Variants in ATP8A1 observed in about 807,000 individuals in gnomAD.
ATP8A1 encodes phospholipid-transporting ATPase IA.
Under a neutral mutation model 177.7 loss-of-function variants are expected in ATP8A1, and 90 were observed. The ratio of observed to expected loss-of-function variants is 0.51; its 90% CI spans 0.43 to 0.60. ATP8A1 has a LOEUF of 0.60. Among genes scored for constraint, ATP8A1 ranks in the 20% least tolerant of loss-of-function variants. The probability of loss-of-function intolerance (pLI) is 0.00; values close to 1 mark genes in which losing one functional copy is unlikely to be tolerated. For synonymous variants in ATP8A1, 493 were observed against 485.9 expected (o/e 1.01, Z -0.19); for missense variants, 1,072 against 1,392.8 (o/e 0.77, Z 3.67).
chr4:42,549,616 C>T (rs1337731900), intron 18 of ATP8A1, among the ~76,000 whole-genome samples: 9 of 151,906 alleles, frequency 5.9e-5, no homozygotes, highest in Admixed American at 5.9e-4. Flanking sequence ...TAGCAAGACC[C>T]CATCTCTATT....
At chr4:42,471,957 AG>A in intron 25 of ATP8A1, 1 of 689,954 alleles carries the variant, frequency 1.4e-6, no homozygotes, top group Non-Finnish European at 2.8e-6. Context: ...CAGCAGCCAA[AG>A]AGCCTAAGTT....
chr4:42,423,822 TAC>T (rs2153168195), intron 33 of ATP8A1, 117 bp from the exon 34 acceptor site: 1 of 589,798 alleles, frequency 1.7e-6, no homozygotes, highest in South Asian at 2.7e-5. Context: ...TAAGAGAGTA[TAC>T]AACTCTGAAT....
At chr4:42,546,833 TCTC>T (rs1728988235) in intron 19 of ATP8A1, among the ~76,000 whole-genome samples, 5 of 152,154 alleles carry the variant, frequency 3.3e-5, no homozygotes. Context: ...TGAATCCTCT[TCTC>T]CTGGCTCTGT....
At chr4:42,631,084 G>A (rs1249688167) in intron 1 of ATP8A1, among the ~76,000 whole-genome samples, 1 of 152,162 alleles carries the variant, frequency 6.6e-6, no homozygotes, top group Non-Finnish European at 1.5e-5. Flanking sequence ...GTCATAGGCT[G>A]AGCCTCATAA....
At chr4:42,561,165 G>A (rs1394067500) in intron 15 of ATP8A1, among the ~76,000 whole-genome samples, 1 of 152,220 alleles carries the variant, frequency 6.6e-6, no homozygotes, top group African/African-American at 2.4e-5. Context: ...ACGAGGACAA[G>A]TGCACTTGCT....
chr4:42,510,766 T>C (rs985824691), intron 22 of ATP8A1, among the ~76,000 whole-genome samples: 2 of 152,172 alleles, frequency 1.3e-5, no homozygotes, highest in Admixed American at 6.6e-5. Context: ...ACCACTCACA[T>C]ACCTATAAAA....
At position 42,408,920 on chromosome 4, in the gene ATP8A1, G is replaced by T. The variant is rs879385418; in HGVS notation, c.*3996C>A. The T allele has an allele frequency of 1.3e-5, 2 of 152,170 alleles. No individual in the cohort carries two copies. The highest frequency in any genetic ancestry group is 1.5e-5 in the Non-Finnish European group (1 of 68,016). The allele number at this position is 152,170 out of a possible 1,614,324, so 9.4% of individuals were successfully genotyped here. ...CTGTTAATTCAAAGTAAGCAAATAT[G>T]AAATCTAGCTTTCCTACTTAAGGGA... On this transcript the variant is annotated 3_prime_UTR_variant, in exon 37 of 37. Transcript: ENST00000381668.
chr4:42,627,841 G>GT (rs1228052072), intron 1 of ATP8A1, among the ~76,000 whole-genome samples: 1 of 152,288 alleles, frequency 6.6e-6, no homozygotes, highest in East Asian at 1.9e-4. Flanking sequence ...CAACAGTACT[G>GT]TATCTCCAAA....
At chr4:42,468,079 A>T (rs1325605204) in intron 25 of ATP8A1, among the ~76,000 whole-genome samples, 1 of 152,216 alleles carries the variant, frequency 6.6e-6, no homozygotes, top group East Asian at 1.9e-4. Context: ...AAAAAAGAAT[A>T]GATGTTGGTG....
chr4:42,644,093 T>C (rs6834500), intron 1 of ATP8A1, among the ~76,000 whole-genome samples: 53,150 of 152,076 alleles, frequency 0.35, 10,183 homozygotes, highest in African/African-American at 0.52. Flanking sequence ...GTTTAAAAGG[T>C]CAATTTTAGC....
rs376004918 is a variant in ATP8A1 at position 42,613,965 on chromosome 4, C to A, written c.409+2068G>T. ...GAAACCTACAGATATGAAGTGTATT[C>A]TGTTGACTGAAATGGCTTTTATAGC... On this transcript the variant is annotated intron_variant, in intron 5 of 36. Coordinates refer to ENST00000381668, the MANE Select transcript of ATP8A1 (RefSeq NM_006095.2). 1.8e-4 allele frequency among the ~76,000 whole-genome samples: 27 copies of A among 151,664 alleles called. No individual in the cohort carries two copies. The East Asian group carries it at 1.9e-3, about 11-fold the overall frequency.
At chr4:42,546,591 AAAAAC>A (rs1364021995) in intron 19 of ATP8A1, among the ~76,000 whole-genome samples, 3 of 151,792 alleles carry the variant, frequency 2.0e-5, no homozygotes, top group Non-Finnish European at 4.4e-5. Flanking sequence ...TAAAAAAAAA[AAAAAC>A]AAAAAAACTC....
intron 25 of ATP8A1, among the ~76,000 whole-genome samples, chr4:42,466,631 C>A (rs928128503): frequency 5.9e-5 from 9 of 152,154 alleles, no homozygotes; most frequent in African/African-American, 2.2e-4. Flanking sequence ...ACGAAAAAAC[C>A]ATTTTTAATT....
intron 19 of ATP8A1, among the ~76,000 whole-genome samples, chr4:42,547,946 TCTGTGAAGTGTC>T (rs1409665127): frequency 6.6e-6 from 1 of 152,210 alleles, no homozygotes; most frequent in Non-Finnish European, 1.5e-5. Flanking sequence ...TGGCCTTAAT[TCTGTGAAGTGTC>T]CTGTGAATGG....
chr4:42,455,538 C>G lies in ATP8A1; in HGVS notation c.2681G>C (p.Gly894Ala). 1 of 1,613,622 alleles carries G rather than the reference C, an allele frequency of 6.2e-7. No homozygotes were observed. Among genetic ancestry groups the G allele is most frequent in the Non-Finnish European group, 8.5e-7 (1 of 1,179,726 alleles). The change falls in exon 28 of 37, where the codon GGT (glycine) becomes GCT (alanine). Residue 894 changes from glycine (G) to alanine (A), a missense_variant. Gly to Ala is a moderately conservative substitution (Grantham distance 60). Coordinates refer to ENST00000381668, the MANE Select transcript of ATP8A1 (RefSeq NM_006095.2). Reference sequence around the variant, plus strand: ...TCCTAAACTTACCACGTTATAGAGACCTATACACCATCTTTCAAAGAGGAT... The same window carrying G: ...TCCTAAACTTACCACGTTATAGAGAGCTATACACCATCTTTCAAAGAGGAT... The part of the protein sequence containing the change: ...GQILFERWCI[G>A]LYNVMFTAMP...
chr4:42,560,773 T>C (rs781214319), intron 15 of ATP8A1, among the ~76,000 whole-genome samples: 17 of 152,098 alleles, frequency 1.1e-4, no homozygotes, highest in Non-Finnish European at 2.1e-4. Context: ...AGCCTGCACT[T>C]AGGTTGCACA....
At chr4:42,485,425 G>A (rs1722091264) in intron 25 of ATP8A1, 71 bp downstream of exon 25, 1 of 1,383,570 alleles carries the variant, frequency 7.2e-7, no homozygotes, top group Non-Finnish European at 9.8e-7. Context: ...TACTTTCATT[G>A]ACGTTTATAA....
At chr4:42,650,754 G>A (rs532576729) in intron 1 of ATP8A1, among the ~76,000 whole-genome samples, 263 of 152,278 alleles carry the variant, frequency 1.7e-3, no homozygotes, top group Non-Finnish European at 2.3e-3. Flanking sequence ...CCACTGGATA[G>A]GTATGTGAAG....
At chr4:42,507,867 A>G (rs1168657161) in intron 22 of ATP8A1, among the ~76,000 whole-genome samples, 1 of 143,320 alleles carries the variant, frequency 7.0e-6, no homozygotes, top group Non-Finnish European at 1.5e-5. Flanking sequence ...TGACCTGTTT[A>G]AAAACAGTGA....
Sources: allele counts gnomAD v4.1 joint callset (sites outside exome capture counted in the v4.1 genomes callset), GRCh38; gene constraint gnomAD v4.1.1; transcripts MANE v1.5; gene names NCBI Gene and HGNC (gene_info 2026-07-23, HGNC 2026-07-21).